Variants in ROBO1 observed in about 807,000 individuals in gnomAD.
ROBO1 encodes roundabout guidance receptor 1.
ROBO1 carries 149 observed loss-of-function variants against 195.9 expected under a neutral mutation model. The ratio of observed to expected loss-of-function variants is 0.76; its 90% CI spans 0.67 to 0.87. The LOEUF is 0.87. Ranked by LOEUF, ROBO1 falls within the 40% of genes least tolerant of loss-of-function variation. ROBO1 has a pLI of 0.00. For missense variants in ROBO1, 1,933 were observed against 2,068.3 expected (o/e 0.93, Z 1.27); for synonymous variants, 816 against 733.2 (o/e 1.11, Z -1.82).
intron 15 of ROBO1, 84 bp downstream of exon 15, chr3:78,661,909 G>A (rs1485517655): frequency 7.0e-7 from 1 of 1,421,722 alleles, no homozygotes; most frequent in Non-Finnish European, 9.6e-7. Context: ...GTACAAGTAG[G>A]CAACAGATAG....
At chr3:78,724,822 T>C (rs2082125888) in intron 5 of ROBO1, among the ~76,000 whole-genome samples, 1 of 152,172 alleles carries the variant, frequency 6.6e-6, no homozygotes, top group African/African-American at 2.4e-5. Flanking sequence ...TCTGTCTACA[T>C]AGGGAAGAAA....
intron 16 of ROBO1, 98 bp from the exon 17 acceptor site, chr3:78,659,905 A>T (rs565139190): frequency 1.4e-5 from 11 of 777,896 alleles, no homozygotes; most frequent in African/African-American, 1.1e-4. Context: ...TATTAATACT[A>T]TATCAATATA....
chr3:78,607,133 C>T (rs985928951), intron 28 of ROBO1, 92 bp from the exon 29 acceptor site: 4 of 1,208,434 alleles, frequency 3.3e-6, no homozygotes, highest in African/African-American at 1.5e-5. Context: ...CATTCACCTA[C>T]GAGATACTAT....
intron 1 of ROBO1, among the ~76,000 whole-genome samples, chr3:79,661,874 C>A (rs530547750): frequency 2.0e-5 from 3 of 151,960 alleles, no homozygotes; most frequent in Non-Finnish European, 4.4e-5. Context: ...AGTCAAGAGA[C>A]AATGTGGAAT....
intron 28 of ROBO1, among the ~76,000 whole-genome samples, chr3:78,613,100 A>G (rs1185021561): frequency 3.9e-5 from 6 of 152,316 alleles, no homozygotes; most frequent in Admixed American, 2.0e-4. Context: ...TATAACTGTG[A>G]TACAATATTC....
intron 2 of ROBO1, among the ~76,000 whole-genome samples, chr3:79,391,822 G>A (rs1196411974): frequency 1.3e-5 from 2 of 151,782 alleles, no homozygotes; most frequent in African/African-American, 4.8e-5. Context: ...TATTCACATT[G>A]GTGCTTCAGC....
intron 26 of ROBO1, 125 bp downstream of exon 26, chr3:78,627,195 TG>T: frequency 2.0e-6 from 2 of 1,002,084 alleles, no homozygotes; most frequent in Non-Finnish European, 1.4e-6. Context: ...GGGTTTACTA[TG>T]GGATGATACT....
chr3:79,164,137 A>T (rs1212179018), intron 2 of ROBO1, among the ~76,000 whole-genome samples: 4 of 152,204 alleles, frequency 2.6e-5, no homozygotes, highest in Admixed American at 6.5e-5. Flanking sequence ...GAACTAAAAC[A>T]AAGAACCAGT....
intron 3 of ROBO1, among the ~76,000 whole-genome samples, chr3:79,003,641 T>A (rs1009388430): frequency 2.0e-5 from 3 of 152,170 alleles, no homozygotes; most frequent in African/African-American, 7.2e-5. Context: ...CGCATTTTAC[T>A]GTGAAACATA....
chr3:78,890,838 T>A (rs2036847282), intron 4 of ROBO1, among the ~76,000 whole-genome samples: 1 of 152,188 alleles, frequency 6.6e-6, no homozygotes, highest in East Asian at 1.9e-4. Context: ...CATAACTCAC[T>A]GCAGTCTTGA....
rs949297154 is a variant in ROBO1 at position 78,597,476 on chromosome 3, T to G, written c.*1437A>C. The G allele has an allele frequency of 5.9e-5, 9 of 152,578 alleles. No homozygotes were observed. The highest frequency in any genetic ancestry group is 8.8e-5 in the Non-Finnish European group (6 of 68,000). 9.5% of individuals were successfully genotyped at this position (152,578 alleles called of 1,614,324 possible). A position where few individuals can be genotyped will look rare whatever the true frequency, so the allele number is the denominator to read the frequency against. Reference sequence around the variant, plus strand: ...CCAGCCTTTTTTTTTGTGGTTCAGTTTTGTTTGGCTTTGTTTTCCACTGGG... The same window carrying G: ...CCAGCCTTTTTTTTTGTGGTTCAGTGTTGTTTGGCTTTGTTTTCCACTGGG... On this transcript the variant is annotated 3_prime_UTR_variant, in exon 31 of 31. Coordinates refer to ENST00000464233, the MANE Select transcript of ROBO1 (RefSeq NM_002941.4).
chr3:79,338,788 T>G (rs1346063165), intron 2 of ROBO1, among the ~76,000 whole-genome samples: 1 of 152,230 alleles, frequency 6.6e-6, no homozygotes, highest in Non-Finnish European at 1.5e-5. Context: ...ATTTAAATAC[T>G]ATGCGTATTG....
intron 2 of ROBO1, among the ~76,000 whole-genome samples, chr3:79,455,548 ATTCC>A (rs1559911898): frequency 6.6e-6 from 1 of 152,164 alleles, no homozygotes; most frequent in South Asian, 2.1e-4. Flanking sequence ...CTCACCTATA[ATTCC>A]TTCATGTGTG....
chr3:79,612,517 T>C (rs2107927731), intron 1 of ROBO1, among the ~76,000 whole-genome samples: 1 of 151,974 alleles, frequency 6.6e-6, no homozygotes, highest in South Asian at 2.1e-4. Context: ...TATAGCAGCA[T>C]GATTTATAGT....
chr3:79,588,283 T>C (rs1048799860), intron 2 of ROBO1, among the ~76,000 whole-genome samples: 34 of 151,718 alleles, frequency 2.2e-4, no homozygotes, highest in African/African-American at 8.2e-4. Flanking sequence ...AATAAAAAGG[T>C]AACATTTTTT....
At chr3:79,090,093 C>T (rs2079449497) in intron 3 of ROBO1, among the ~76,000 whole-genome samples, 1 of 151,982 alleles carries the variant, frequency 6.6e-6, no homozygotes, top group African/African-American at 2.4e-5. Flanking sequence ...GCATGCACCA[C>T]CATGCCCAGC....
chr3:79,272,734 C>A (rs57716912), intron 2 of ROBO1, among the ~76,000 whole-genome samples: 1 of 152,118 alleles, frequency 6.6e-6, no homozygotes, highest in African/African-American at 2.4e-5. Flanking sequence ...CAGTCCTAGC[C>A]GGGGGTGAAT....
chr3:79,582,599 T>G (rs1943695991), intron 2 of ROBO1, among the ~76,000 whole-genome samples: 1 of 151,980 alleles, frequency 6.6e-6, no homozygotes. Flanking sequence ...ATAGATAAAC[T>G]GAATTTACCA....
At chr3:79,307,198 G>C (rs1478587081) in intron 2 of ROBO1, among the ~76,000 whole-genome samples, 1 of 152,052 alleles carries the variant, frequency 6.6e-6, no homozygotes. Context: ...GAGCCAATCT[G>C]TTTACCTCAG....
Sources: allele counts gnomAD v4.1 joint callset (sites outside exome capture counted in the v4.1 genomes callset), GRCh38; gene constraint gnomAD v4.1.1; transcripts MANE v1.5; gene names NCBI Gene and HGNC (gene_info 2026-07-23, HGNC 2026-07-21).